Variants in CNTNAP2 observed in about 807,000 individuals in gnomAD.
CNTNAP2 encodes the protein contactin-associated protein-like 2.
CNTNAP2 carries 98 observed loss-of-function variants against 155.2 expected under a neutral mutation model. The observed-to-expected ratio is 0.63, with a 90% CI of 0.54 to 0.75. The LOEUF (loss-of-function observed/expected upper bound fraction) is 0.75, where lower values mean the gene tolerates loss of function less well. Ranked by LOEUF, CNTNAP2 falls within the 30% of genes least tolerant of loss-of-function variation. CNTNAP2 has a pLI of 0.00. For synonymous variants in CNTNAP2, 651 were observed against 631.2 expected, an observed-to-expected ratio of 1.03 and a Z score of -0.47; for missense variants, 1,727 against 1,688.1, an observed-to-expected ratio of 1.02 and a Z score of -0.40.
At chr7:147,490,551 T>C (rs1453380439) in intron 11 of CNTNAP2, among the ~76,000 whole-genome samples, 1 of 152,212 alleles carries the variant, frequency 6.6e-6, no homozygotes, top group Non-Finnish European at 1.5e-5. Context: ...TTGAATTCTA[T>C]TTGCTGTAGT....
intron 10 of CNTNAP2, among the ~76,000 whole-genome samples, chr7:147,470,170 G>A (rs2888504): frequency 0.78 from 118,589 of 152,162 alleles, 46,579 homozygotes; most frequent in African/African-American, 0.87. Flanking sequence ...TGCTATGAGA[G>A]TAGAATAGGT....
chr7:146,182,324 A>C (rs770356011), intron 1 of CNTNAP2, among the ~76,000 whole-genome samples: 47 of 152,270 alleles, frequency 3.1e-4, no homozygotes, highest in Admixed American at 6.5e-4. Flanking sequence ...ACATTCCCAC[A>C]GTAACACTCC....
At chr7:147,937,828 A>G (rs1477931116) in intron 14 of CNTNAP2, among the ~76,000 whole-genome samples, 3 of 152,232 alleles carry the variant, frequency 2.0e-5, no homozygotes, top group Non-Finnish European at 4.4e-5. Flanking sequence ...AAATAATCAT[A>G]TAATAAGAAG....
At chr7:148,283,711 G>A (rs1797030544) in intron 21 of CNTNAP2, among the ~76,000 whole-genome samples, 1 of 152,132 alleles carries the variant, frequency 6.6e-6, no homozygotes, top group Non-Finnish European at 1.5e-5. Flanking sequence ...CCTAAGTGGA[G>A]TGCTGAAATG....
At chr7:147,437,009 G>C (rs73475137) in intron 10 of CNTNAP2, among the ~76,000 whole-genome samples, 2,888 of 151,972 alleles carry the variant, frequency 0.019, 102 homozygotes, top group African/African-American at 0.066. Context: ...GGGAAGTTAG[G>C]GACCTAGAGT....
intron 8 of CNTNAP2, among the ~76,000 whole-genome samples, chr7:147,278,313 A>C (rs1232045452): frequency 6.6e-6 from 1 of 151,714 alleles, no homozygotes; most frequent in Non-Finnish European, 1.5e-5. Flanking sequence ...ATATTAAGCA[A>C]TGTTCACTGA....
chr7:146,655,954 G>C (rs915583865), intron 1 of CNTNAP2, among the ~76,000 whole-genome samples: 2 of 152,162 alleles, frequency 1.3e-5, no homozygotes, highest in Non-Finnish European at 2.9e-5. Flanking sequence ...AATGGGATAG[G>C]TTTTGTTTGG....
chr7:146,446,746 G>A (rs1796407898), intron 1 of CNTNAP2, among the ~76,000 whole-genome samples: 2 of 151,994 alleles, frequency 1.3e-5, no homozygotes, highest in African/African-American at 4.8e-5. Context: ...TTATTTAGAT[G>A]GCTGGAGAGA....
chr7:146,261,216 A>C (rs1799914782), intron 1 of CNTNAP2, among the ~76,000 whole-genome samples: 1 of 152,074 alleles, frequency 6.6e-6, no homozygotes, highest in African/African-American at 2.4e-5. Context: ...TAAATTACCC[A>C]GTGTCAGGTA....
intron 9 of CNTNAP2, among the ~76,000 whole-genome samples, chr7:147,312,576 A>T (rs1230367359): frequency 8.6e-6 from 1 of 116,470 alleles, no homozygotes; most frequent in African/African-American, 3.9e-5. Context: ...CCATGTCCCT[A>T]CAAAGGACAT....
chr7:147,145,380 C>T (rs1801681999), intron 8 of CNTNAP2, among the ~76,000 whole-genome samples: 1 of 152,016 alleles, frequency 6.6e-6, no homozygotes, highest in South Asian at 2.1e-4. Flanking sequence ...TGAATAGAGG[C>T]CAAAAATCCT....
chr7:147,833,159 T>A (rs563299308), intron 13 of CNTNAP2, among the ~76,000 whole-genome samples: 26 of 151,076 alleles, frequency 1.7e-4, no homozygotes, highest in Admixed American at 9.2e-4. Flanking sequence ...CAATGATAAC[T>A]GCTAGCATCG....
chr7:146,486,937 A>G (rs1354033214), intron 1 of CNTNAP2, among the ~76,000 whole-genome samples: 1 of 152,204 alleles, frequency 6.6e-6, no homozygotes, highest in East Asian at 1.9e-4. Context: ...GCTGTACTGT[A>G]ACTTCACTCT....
chr7:148,010,813 A>C (rs1347540908), intron 15 of CNTNAP2, among the ~76,000 whole-genome samples: 1 of 152,082 alleles, frequency 6.6e-6, no homozygotes, highest in Admixed American at 6.6e-5. Flanking sequence ...TTATACATGC[A>C]AGGGTCTCTT....
chr7:148,203,285 C>CTG (rs1795394936), intron 18 of CNTNAP2, among the ~76,000 whole-genome samples: 24 of 152,094 alleles, frequency 1.6e-4, no homozygotes, highest in Non-Finnish European at 1.0e-4. Flanking sequence ...CATTGCATAC[C>CTG]TACTATGTGC....
intron 14 of CNTNAP2, among the ~76,000 whole-genome samples, chr7:147,953,798 A>G (rs779623613): frequency 1.3e-5 from 2 of 152,132 alleles, no homozygotes; most frequent in African/African-American, 2.4e-5. Context: ...TTGTAGACAC[A>G]TCGCTCCAAC....
intron 3 of CNTNAP2, among the ~76,000 whole-genome samples, chr7:147,002,559 A>G (rs1385834068): frequency 6.6e-6 from 1 of 152,044 alleles, no homozygotes; most frequent in Non-Finnish European, 1.5e-5. Context: ...TTTCATGCCA[A>G]GCAAGCTACT....
chr7:147,618,041 T>C (rs1376082040), intron 12 of CNTNAP2, among the ~76,000 whole-genome samples: 1 of 152,194 alleles, frequency 6.6e-6, no homozygotes, highest in African/African-American at 2.4e-5. Context: ...GATAATACCA[T>C]TAAGACTTCT....
intron 15 of CNTNAP2, among the ~76,000 whole-genome samples, chr7:148,011,150 GTA>G (rs1388356374): frequency 2.0e-5 from 3 of 151,874 alleles, no homozygotes; most frequent in Non-Finnish European, 4.4e-5. Context: ...GAAATTATAT[GTA>G]TATATATAAT....
Sources: gnomAD v4.1 joint callset for allele counts (sites outside exome capture counted in the v4.1 genomes callset) on GRCh38, gnomAD v4.1.1 for gene constraint, MANE v1.5 for transcripts, NCBI Gene and HGNC (gene_info 2026-07-23, HGNC 2026-07-21) for gene names.